The following FLII variants were observed in gnomAD, a reference collection of about 807,000 sequenced individuals.
FLII encodes the protein FLII actin remodeling protein.
In FLII, 101 loss-of-function variants were observed where a neutral mutation model predicts 156.2. The ratio of observed to expected loss-of-function variants is 0.65; its 90% confidence interval spans 0.55 to 0.76. The LOEUF (loss-of-function observed/expected upper bound fraction) is 0.76. Among genes scored for constraint, FLII ranks in the 30% least tolerant of loss-of-function variants. The probability of loss-of-function intolerance (pLI) is 0.00; values close to 1 mark genes in which losing one functional copy is unlikely to be tolerated. For synonymous variants in FLII, 767 were observed against 685.8 expected (o/e 1.12, Z -1.85); for missense variants, 1,675 against 1,682.8 (o/e 1.00, Z 0.08).
intron 18 of FLII, 34 bp from the exon 19 acceptor site, chr17:18,248,067 T>G (rs1194707147): frequency 1.3e-6 from 2 of 1,498,938 alleles, no homozygotes; most frequent in Non-Finnish European, 9.3e-7. Flanking sequence ...AGGGAAGGGA[T>G]CTGGAGACAG....
At chr17:18,256,833 T>C in intron 2 of FLII, 76 bp downstream of exon 2, 1 of 992,714 alleles carries the variant, frequency 1.0e-6, no homozygotes, top group Non-Finnish European at 1.5e-6. Context: ...CTGGAGAAGT[T>C]GTCTGCCTTC....
At chr17:18,248,121 C>T (rs936902132) in intron 18 of FLII, 88 bp from the exon 19 acceptor site, 3 of 857,158 alleles carry the variant, frequency 3.5e-6, no homozygotes, top group African/African-American at 3.4e-5. Flanking sequence ...CAGCCCTGCC[C>T]TGCAGCGTGG....
Position 18,245,436 on chromosome 17 carries a change from G to C in FLII, c.3610-17C>G. The C allele has an allele frequency of 6.2e-7, 1 of 1,613,938 alleles. No individual in the cohort carries two copies. The highest frequency in any genetic ancestry group is 8.5e-7 in the Non-Finnish European group (1 of 1,179,792). ...CATGTAGACCTGTGGGGGCAGCAGG[G>C]GAGATACGGTTGCATGGGTGCCTGG... is the stretch of plus-strand genomic sequence containing the variant. On this transcript the variant is annotated splice_polypyrimidine_tract_variant and intron_variant, in intron 28 of 29. Coordinates refer to ENST00000327031, the MANE Select transcript of FLII (RefSeq NM_002018.4).
At chr17:18,256,105 A>G (rs1013420334) in intron 3 of FLII, among the ~76,000 whole-genome samples, 4 of 152,190 alleles carry the variant, frequency 2.6e-5, no homozygotes, top group Non-Finnish European at 4.4e-5. Context: ...CCCACTCAAC[A>G]CCAGCTCTAC....
In FLII at chr17:18,246,382, C is replaced by T. The variant is rs754081390; in HGVS notation, c.3132G>A (p.Lys1044=). Residue 1044 remains lysine (K), a synonymous_variant, in exon 24 of 30, where the codon AAG becomes AAA. Coordinates refer to ENST00000327031, the MANE Select transcript of FLII (RefSeq NM_002018.4). ...FKRKFIIHRG[K]RKAVQGAQQP... ...GTTGGGCGCCCTGGACCGCCTTCCT[C>T]TTGCCCCGGTGGATGATGAACTTCC... The T allele has an allele frequency of 6.2e-6, 10 of 1,614,030 alleles. 1 individual carries two copies. Among genetic ancestry groups the T allele is most frequent in the Middle Eastern group, 1.6e-4 (1 of 6,062 alleles).
At chr17:18,249,092 A>C (rs200551308) in intron 16 of FLII, 35 bp downstream of exon 16, 1 of 1,584,828 alleles carries the variant, frequency 6.3e-7, no homozygotes, top group African/African-American at 1.3e-5. Flanking sequence ...GAGGCTGAGG[A>C]TGAAGCACCC....
chr17:18,253,136 C>CGA (rs2048318446), intron 9 of FLII, among the ~76,000 whole-genome samples, 165 bp downstream of exon 9: 1 of 152,138 alleles, frequency 6.6e-6, no homozygotes, highest in South Asian at 2.1e-4. Flanking sequence ...GGCGACAGAG[C>CGA]GAGACTCTGT....
intron 6 of FLII, 135 bp from the exon 7 acceptor site, chr17:18,254,317 CA>C: frequency 1.2e-6 from 1 of 837,682 alleles, no homozygotes; most frequent in Non-Finnish European, 1.8e-6. Context: ...GGGACAAGCC[CA>C]AGGGTGGTTG....
At chr17:18,256,822 T>C in intron 2 of FLII, 87 bp downstream of exon 2, 1 of 916,590 alleles carries the variant, frequency 1.1e-6, no homozygotes, top group Non-Finnish European at 1.7e-6. Context: ...TGTTCCTCTC[T>C]CTGGAGAAGT....
rs1008479238 is a variant in FLII, at chr17:18,244,904, G to A, written c.*234C>T. On this transcript the variant is annotated 3_prime_UTR_variant, in exon 30 of 30. Coordinates refer to ENST00000327031, the MANE Select transcript of FLII (RefSeq NM_002018.4). The stretch of plus-strand genomic sequence containing the variant: ...CATCCACATCTGCTTTATCCCTAGC[G>A]GAAGAGTGAGGGGGCTTCACACGTG... The A allele has an allele frequency of 5.3e-5, 28 of 530,202 alleles. No homozygotes were observed. Among genetic ancestry groups the A allele is most frequent in the African/African-American group, 7.5e-5 (4 of 53,066 alleles). The allele number at this position is 530,202 out of a possible 1,614,324, so 32.8% of individuals were successfully genotyped here.
rs528907327 is a variant in FLII, at chr17:18,247,133, C to G, written c.2676+36G>C. On this transcript the variant is annotated intron_variant, in intron 21 of 29. Coordinates refer to ENST00000327031, the MANE Select transcript of FLII (RefSeq NM_002018.4). ...CCCCGCCCTCGGCCTGCCCCCCACC[C>G]CCCCCCCCGCGCCCCGGTCCCGGCC... The G allele has an allele frequency of 1.2e-4, 84 of 703,374 alleles. 2 individuals are homozygous for G. The highest frequency in any genetic ancestry group is 9.1e-4 in the East Asian group (27 of 29,666). 43.6% of individuals were successfully genotyped at this position (703,374 alleles called of 1,614,324 possible).
intron 16 of FLII, 51 bp from the exon 17 acceptor site, chr17:18,248,934 C>A: frequency 6.6e-7 from 1 of 1,506,008 alleles, no homozygotes; most frequent in South Asian, 1.1e-5. Context: ...GGGCAATGGT[C>A]ACCCCATGCT....
At position 18,253,358 on chromosome 17, in the gene FLII, A is replaced by G. The variant is rs2048324950; in HGVS notation, c.956T>C (p.Leu319Pro). ...LPSGIGKLTN[L>P]EEFMAANNNL... ...GTTGTTGGCAGCCATGAACTCTTCC[A>G]GGTTGGTGAGCTTGCCAATGCCTGA... Residue 319 changes from leucine (L) to proline (P), a missense_variant, in exon 9 of 30, where the codon CTG becomes CCG. Leu to Pro is a moderately conservative substitution (Grantham distance 98). Transcript: ENST00000327031. The G allele has an allele frequency of 6.2e-7, 1 of 1,613,816 alleles. No individual in the cohort carries two copies. The highest frequency in any genetic ancestry group is 1.7e-5 in the Admixed American group (1 of 60,002).
chr17:18,255,127 G>A (rs1186190538), intron 4 of FLII, 56 bp downstream of exon 4: 1 of 1,348,418 alleles, frequency 7.4e-7, no homozygotes, highest in African/African-American at 1.4e-5. Flanking sequence ...TTTATAGTGA[G>A]TGGGGATTGA....
At chr17:18,254,304 G>T in intron 6 of FLII, 122 bp from the exon 7 acceptor site, 2 of 866,662 alleles carry the variant, frequency 2.3e-6, no homozygotes, top group Non-Finnish European at 3.5e-6. Flanking sequence ...ACATCTGGTT[G>T]AAGGGACAAG....
At chr17:18,250,748 T>C in intron 14 of FLII, 90 bp downstream of exon 14, 1 of 1,398,978 alleles carries the variant, frequency 7.1e-7, no homozygotes, top group Non-Finnish European at 9.9e-7. Flanking sequence ...TGCCCACCTG[T>C]TCTGCCTACC....
At position 18,254,604 on chromosome 17, in the gene FLII, C is replaced by G. The variant is rs778449344; in HGVS notation, c.492G>C (p.Glu164Asp). The change falls in exon 6 of 30, where the codon GAG becomes GAC. Residue 164 changes from glutamate to aspartate, a missense_variant. This residue lies in a region of FLII where 343 missense variants were observed against 413.5 expected (regional missense o/e 0.83). Transcript: ENST00000327031. ...LYLDLSENRL[E>D]SLPPQMRRLV... Reference sequence around the variant, plus strand: ...GGCGGCGCATCTGCGGGGGCAGGCTCTCCAGGCGGTTCTCGCTGAGGTCCA... The same window carrying G: ...GGCGGCGCATCTGCGGGGGCAGGCTGTCCAGGCGGTTCTCGCTGAGGTCCA... The G allele has an allele frequency of 6.2e-7, 1 of 1,613,918 alleles. No homozygotes were observed. Among genetic ancestry groups the G allele is most frequent in the Non-Finnish European group, 8.5e-7 (1 of 1,179,962 alleles).
chr17:18,253,711 G>C lies in FLII; in HGVS notation c.688C>G (p.Leu230Val). 1 of 1,608,652 alleles carries C rather than the reference G, an allele frequency of 6.2e-7. No homozygotes were observed. Among genetic ancestry groups the C allele is most frequent in the Non-Finnish European group, 8.5e-7 (1 of 1,177,158 alleles). Residue 230 changes from leucine (L) to valine (V), a missense_variant, in exon 8 of 30, where the codon CTG (leucine) becomes GTG (valine). Physicochemically the swap from Leu to Val is conservative, Grantham distance 32 (BLOSUM62 1). This residue lies in a region of FLII where 343 missense variants were observed against 413.5 expected (regional missense o/e 0.83). Coordinates refer to ENST00000327031, the MANE Select transcript of FLII (RefSeq NM_002018.4). ...ACCCGTGTCAGGTCATTGCAGGACA[G>C]ATCCACGTCTGGGGTGCAGGGTGGG... The part of the protein sequence containing the change: ...EGLSNLADVD[L>V]SCNDLTRVPE...
chr17:18,250,724 C>T lies in FLII; in HGVS notation c.1776+114G>A. The stretch of plus-strand genomic sequence containing the variant: ...GTATCGTTGATCCACCCCCTTTAAC[C>T]CCAGCTCCCTGCCTGCCCACCTGTT... On this transcript the variant is annotated intron_variant, in intron 14 of 29. Transcript: ENST00000327031. 4.2e-6 allele frequency: 5 copies of T among 1,184,964 alleles called. No homozygotes were observed. The South Asian group carries it at 5.6e-5, about 13-fold the overall frequency. 73.4% of individuals were successfully genotyped at this position (1,184,964 alleles called of 1,614,324 possible). A position where few individuals can be genotyped will look rare whatever the true frequency, so the allele number is the denominator to read the frequency against.
Sources: gnomAD v4.1 joint callset for allele counts (sites outside exome capture counted in the v4.1 genomes callset) on GRCh38, gnomAD v4.1.1 for gene constraint, gnomAD v4.1.1 regional missense constraint, MANE v1.5 for transcripts, NCBI Gene and HGNC (gene_info 2026-07-23, HGNC 2026-07-21) for gene names.